Variants in BTBD9 observed in about 807,000 individuals in gnomAD.
BTBD9 encodes BTB/POZ domain-containing protein 9.
A neutral mutation model predicts 64.3 loss-of-function variants in BTBD9; 49 were observed. That is an observed-to-expected ratio of 0.76 (90% CI 0.61 to 0.97). BTBD9 has a LOEUF of 0.97. BTBD9 is among the 50% of genes least tolerant of loss of function. The pLI is 0.00. For synonymous variants in BTBD9, 260 were observed against 274.7 expected, an observed-to-expected ratio of 0.95 and a Z score of 0.53; for missense variants, 598 against 762.1, an observed-to-expected ratio of 0.78 and a Z score of 2.53.
chr6:38,469,557 T>A (rs1290020737), intron 6 of BTBD9, among the ~76,000 whole-genome samples: 3 of 152,094 alleles, frequency 2.0e-5, no homozygotes, highest in Admixed American at 2.0e-4. Context: ...CCTGACCTCA[T>A]GATCCGCCCA....
At chr6:38,526,885 A>G (rs1466872407) in intron 6 of BTBD9, among the ~76,000 whole-genome samples, 1 of 152,216 alleles carries the variant, frequency 6.6e-6, no homozygotes, top group African/African-American at 2.4e-5. Flanking sequence ...GCCCTGTCTC[A>G]GATGAGACTT....
chr6:38,204,904 T>A (rs1348421326), intron 9 of BTBD9, among the ~76,000 whole-genome samples: 1 of 151,962 alleles, frequency 6.6e-6, no homozygotes, highest in Non-Finnish European at 1.5e-5. Context: ...GAAATAGGAA[T>A]AAATAAAATG....
chr6:38,318,958 G>T (rs191190977), intron 7 of BTBD9, among the ~76,000 whole-genome samples: 1 of 152,196 alleles, frequency 6.6e-6, no homozygotes, highest in Non-Finnish European at 1.5e-5. Context: ...ATTCCACTGC[G>T]ACTACGCTGG....
intron 6 of BTBD9, among the ~76,000 whole-genome samples, chr6:38,452,946 C>T (rs974111836): frequency 6.6e-6 from 1 of 152,086 alleles, no homozygotes; most frequent in East Asian, 1.9e-4. Context: ...AGTAAATACT[C>T]GTGTTTTCCT....
intron 9 of BTBD9, among the ~76,000 whole-genome samples, chr6:38,199,011 C>T (rs1411094738): frequency 2.6e-5 from 4 of 152,074 alleles, no homozygotes; most frequent in Non-Finnish European, 5.9e-5. Context: ...GGGGGCTGAA[C>T]CAGGAAGACT....
chr6:38,394,339 T>A (rs1055385151), intron 6 of BTBD9, among the ~76,000 whole-genome samples: 4 of 152,000 alleles, frequency 2.6e-5, no homozygotes, highest in Admixed American at 2.6e-4. Flanking sequence ...AAAGAATGCT[T>A]CTCACAGAAA....
At chr6:38,566,857 G>A (rs182647833) in intron 6 of BTBD9, among the ~76,000 whole-genome samples, 68 of 152,242 alleles carry the variant, frequency 4.5e-4, no homozygotes, top group South Asian at 3.3e-3. Flanking sequence ...ACTGGGAAAC[G>A]CGTGCATGCT....
rs78131369 is a variant in BTBD9 at position 38,436,938 on chromosome 6, T to C, written c.1155-91845A>G. On this transcript the variant is annotated intron_variant, in intron 6 of 10. Transcript: ENST00000481247. ...ATAGTTGTAGTCATAGGAATATGTA[T>C]ATGTGTACCACTCTTCAATCACTCA... Among the ~76,000 whole-genome samples the C allele has an allele frequency of 6.5e-3, 995 of 152,310 alleles. 6 individuals carry two copies. The highest frequency in any genetic ancestry group is 0.011 in the Non-Finnish European group (730 of 68,024).
intron 6 of BTBD9, among the ~76,000 whole-genome samples, chr6:38,528,287 A>G (rs1773605066): frequency 6.6e-6 from 1 of 152,178 alleles, no homozygotes; most frequent in Non-Finnish European, 1.5e-5. Flanking sequence ...AGTCCTGGCA[A>G]GCCCTGCCAC....
chr6:38,281,507 C>T lies in BTBD9; in HGVS notation c.1454+6765G>A, dbSNP rs527460853. ...CTACTTAATAACTACAAGACATAAA[C>T]TGATTTGTGGTTCAGACAGTCTGTG... On this transcript the variant is annotated intron_variant, in intron 8 of 10. Coordinates refer to ENST00000481247, the MANE Select transcript of BTBD9 (RefSeq NM_001099272.2). 2.0e-5 allele frequency among the ~76,000 whole-genome samples: 3 copies of T among 152,212 alleles called. No homozygotes were observed. The East Asian group carries it at 5.8e-4, about 29-fold the overall frequency.
At chr6:38,289,518 T>C (rs1761878864) in intron 7 of BTBD9, among the ~76,000 whole-genome samples, 1 of 152,250 alleles carries the variant, frequency 6.6e-6, no homozygotes, top group Non-Finnish European at 1.5e-5. Flanking sequence ...ATAATATCTA[T>C]TATTCTGAAA....
intron 6 of BTBD9, among the ~76,000 whole-genome samples, chr6:38,473,780 G>A (rs1488799541): frequency 6.6e-6 from 1 of 152,174 alleles, no homozygotes; most frequent in Non-Finnish European, 1.5e-5. Flanking sequence ...ATTGTGATAA[G>A]TGCTTGAAAG....
chr6:38,213,428 C>T (rs944410559), intron 9 of BTBD9, among the ~76,000 whole-genome samples: 7 of 152,054 alleles, frequency 4.6e-5, no homozygotes, highest in East Asian at 1.9e-4. Flanking sequence ...GCCCTTAGCA[C>T]AGAGCGGCCC....
At chr6:38,590,702 C>A (rs1264800501) in intron 4 of BTBD9, among the ~76,000 whole-genome samples, 1 of 152,196 alleles carries the variant, frequency 6.6e-6, no homozygotes, top group African/African-American at 2.4e-5. Context: ...TATTTCATTA[C>A]AGACATACCT....
chr6:38,583,030 G>A (rs1262969030), intron 4 of BTBD9, among the ~76,000 whole-genome samples: 1 of 152,160 alleles, frequency 6.6e-6, no homozygotes, highest in Non-Finnish European at 1.5e-5. Context: ...TACTTTATAA[G>A]CAAGCAAGCA....
rs1582317340 is a variant in BTBD9, at chr6:38,374,297, G to GTGTATATATATATATATA, written c.1155-29205_1155-29204insTATATATATATATATACA. On this transcript the variant is annotated intron_variant, in intron 6 of 10. Transcript: ENST00000481247. ...AAAAAAAAAAAGTATATATATATAT[G>GTGTATATATATATATATA]TATATATATGTATATATATATATAT... Among the ~76,000 whole-genome samples, 62 of 53,586 alleles carry GTGTATATATATATATATA rather than the reference G, an allele frequency of 1.2e-3. 1 individual carries two copies. The highest frequency in any genetic ancestry group is 6.8e-3 in the South Asian group (9 of 1,318). 35.2% of individuals were successfully genotyped at this position (53,586 alleles called of 152,430 possible).
chr6:38,374,290 T>TATATACAC (rs1554143537), intron 6 of BTBD9, among the ~76,000 whole-genome samples: 4 of 72,288 alleles, frequency 5.5e-5, no homozygotes, highest in African/African-American at 3.3e-4. Context: ...AAAGTATATA[T>TATATACAC]ATATATGTAT....
rs187387625 is a variant in BTBD9, at chr6:38,429,404, G to A, written c.1155-84311C>T. Among the ~76,000 whole-genome samples, 431 of 148,510 alleles carry A rather than the reference G, an allele frequency of 2.9e-3. 9 individuals carry two copies. Among genetic ancestry groups the A allele is most frequent in the African/African-American group, 0.01 (413 of 39,986 alleles). ...CAGGAGGCGGAGATTGCAGTGAGCC[G>A]AGATCGCACCATCGCACTCCAGCCT... On this transcript the variant is annotated intron_variant, in intron 6 of 10. Coordinates refer to ENST00000481247, the MANE Select transcript of BTBD9 (RefSeq NM_001099272.2).
intron 7 of BTBD9, among the ~76,000 whole-genome samples, chr6:38,339,565 C>T (rs1033496039): frequency 7.9e-5 from 12 of 151,986 alleles, no homozygotes; most frequent in African/African-American, 2.2e-4. Context: ...TATTTAAAGA[C>T]GTTGGGAGGA....
Sources: allele counts gnomAD v4.1 joint callset (sites outside exome capture counted in the v4.1 genomes callset), GRCh38; gene constraint gnomAD v4.1.1; transcripts MANE v1.5; gene names NCBI Gene and HGNC (gene_info 2026-07-23, HGNC 2026-07-21).